PHACTR1: variants seen among roughly 807,000 people sequenced by gnomAD.
PHACTR1 encodes the protein phosphatase and actin regulator 1.
A neutral mutation model predicts 69.2 loss-of-function variants in PHACTR1; 16 were observed. That is an observed-to-expected ratio of 0.23 (90% CI 0.16 to 0.35). PHACTR1 has a LOEUF of 0.35. Ranked by LOEUF, PHACTR1 falls within the 10% of genes least tolerant of loss-of-function variation. PHACTR1 has a pLI of 1.00. For synonymous variants in PHACTR1, 312 were observed against 284.5 expected (o/e 1.10, Z -0.97); for missense variants, 510 against 734.7 (o/e 0.69, Z 3.54).
In PHACTR1 at chr6:13,053,845, G is replaced by A. The variant is rs367697616; in HGVS notation, c.415+316G>A. On this transcript the variant is annotated intron_variant, in intron 5 of 14. Transcript: ENST00000332995. ...GCTTTCATTCTGGCGTTGATGATGCGTTTATTATATTCATTGTTATTTTCA... is the reference window on the plus strand; with the variant it reads ...GCTTTCATTCTGGCGTTGATGATGCATTTATTATATTCATTGTTATTTTCA... Among the ~76,000 whole-genome samples, 9 of 152,290 alleles carry A rather than the reference G, an allele frequency of 5.9e-5. No individual in the cohort carries two copies. The East Asian group carries it at 1.3e-3, about 23-fold the overall frequency.
intron 4 of PHACTR1, among the ~76,000 whole-genome samples, chr6:12,928,776 G>A (rs9296525): frequency 0.16 from 25,071 of 152,084 alleles, 4,693 homozygotes; most frequent in African/African-American, 0.46. Context: ...TAGGTGGACA[G>A]GAAAATTCAA....
chr6:12,823,073 G>A (rs1207502483), intron 4 of PHACTR1, among the ~76,000 whole-genome samples: 1 of 152,032 alleles, frequency 6.6e-6, no homozygotes, highest in African/African-American at 2.4e-5. Context: ...ATTATATATC[G>A]AGGCAAAATT....
intron 6 of PHACTR1, among the ~76,000 whole-genome samples, chr6:13,178,043 A>G (rs1434923538): frequency 6.6e-6 from 1 of 152,214 alleles, no homozygotes; most frequent in Non-Finnish European, 1.5e-5. Context: ...TAAGGCTGGC[A>G]CAATCTTGGT....
At chr6:12,830,040 A>T (rs1374851876) in intron 4 of PHACTR1, among the ~76,000 whole-genome samples, 2 of 143,662 alleles carry the variant, frequency 1.4e-5, no homozygotes, top group Non-Finnish European at 3.1e-5. Flanking sequence ...GAAAGGAAAG[A>T]AAAGAAAGAA....
chr6:12,784,312 C>T (rs1041843020), intron 4 of PHACTR1, among the ~76,000 whole-genome samples: 3 of 149,930 alleles, frequency 2.0e-5, no homozygotes, highest in Non-Finnish European at 4.5e-5. Context: ...ACATATATAT[C>T]TATACACACA....
intron 4 of PHACTR1, among the ~76,000 whole-genome samples, chr6:13,035,427 A>AT (rs11382978): frequency 0.72 from 108,598 of 151,046 alleles, 39,968 homozygotes; most frequent in East Asian, 0.88. Context: ...GTTCTATATG[A>AT]TTTTTTTTTA....
At chr6:13,169,516 A>G (rs1440560997) in intron 6 of PHACTR1, among the ~76,000 whole-genome samples, 1 of 151,912 alleles carries the variant, frequency 6.6e-6, no homozygotes, top group Non-Finnish European at 1.5e-5. Flanking sequence ...TTTGGGGAGT[A>G]AAAAAATGAC....
chr6:13,110,759 G>GT (rs1816909342), intron 5 of PHACTR1, among the ~76,000 whole-genome samples: 2 of 152,146 alleles, frequency 1.3e-5, no homozygotes, highest in Non-Finnish European at 2.9e-5. Flanking sequence ...TCACAGAACT[G>GT]CTCTGCGTGT....
intron 4 of PHACTR1, among the ~76,000 whole-genome samples, chr6:12,928,304 C>T (rs1052037591): frequency 6.6e-6 from 1 of 152,120 alleles, no homozygotes; most frequent in African/African-American, 2.4e-5. Context: ...TTAGAAGCCA[C>T]GGTTGGTCCT....
intron 4 of PHACTR1, among the ~76,000 whole-genome samples, chr6:12,814,424 A>T (rs1046409550): frequency 1.3e-5 from 2 of 152,186 alleles, no homozygotes; most frequent in Non-Finnish European, 2.9e-5. Context: ...ACGCTCCAAA[A>T]ATGTCTCTTT....
chr6:12,957,214 A>C (rs2127560678), intron 4 of PHACTR1: 1 of 310,256 alleles, frequency 3.2e-6, no homozygotes, highest in East Asian at 1.7e-4. Context: ...AATTCCCTGC[A>C]GAAGGAGACA....
At chr6:13,018,179 T>C (rs572537001) in intron 4 of PHACTR1, among the ~76,000 whole-genome samples, 2 of 152,328 alleles carry the variant, frequency 1.3e-5, no homozygotes, top group South Asian at 4.1e-4. Context: ...GAGAATGCCC[T>C]GTGAGTTCCT....
chr6:13,150,139 G>A (rs1824080761), intron 5 of PHACTR1, among the ~76,000 whole-genome samples: 2 of 152,116 alleles, frequency 1.3e-5, no homozygotes, highest in African/African-American at 4.8e-5. Context: ...TTGAGCCCAG[G>A]AGTTCGAGAC....
intron 4 of PHACTR1, among the ~76,000 whole-genome samples, chr6:12,937,954 G>T (rs1286963482): frequency 6.6e-6 from 1 of 152,136 alleles, no homozygotes; most frequent in Non-Finnish European, 1.5e-5. Flanking sequence ...ACAAAAAGTA[G>T]CCAGGCATGG....
chr6:12,756,570 A>G, intron 4 of PHACTR1, among the ~76,000 whole-genome samples: 1 of 152,226 alleles, frequency 6.6e-6, no homozygotes, highest in South Asian at 2.1e-4. Context: ...ATAATATCAC[A>G]CTAGTAGTTG....
chr6:13,205,937 G>T lies in PHACTR1; in HGVS notation c.787G>T (p.Ala263Ser). Residue 263 changes from alanine to serine, a missense_variant, in exon 8 of 15, where the codon GCC (alanine) becomes TCC (serine). This residue lies in a region of PHACTR1 where 419 missense variants were observed against 530.9 expected (regional missense o/e 0.79). Transcript: ENST00000332995. ...GPDLSLVSYTAQKSGQQGVAQ... is the reference protein window; with the variant it reads ...GPDLSLVSYTSQKSGQQGVAQ... The stretch of plus-strand genomic sequence containing the variant: ...AGACCTCTCACTGGTGTCCTACACA[G>T]CCCAGAAGAGTGGCCAGCAGGGTGT... The T allele has an allele frequency of 6.2e-7, 1 of 1,614,024 alleles. No homozygotes were observed. Among genetic ancestry groups the T allele is most frequent in the Non-Finnish European group, 8.5e-7 (1 of 1,179,898 alleles).
chr6:12,957,750 C>G, intron 4 of PHACTR1: 3 of 985,522 alleles, frequency 3.0e-6, no homozygotes, highest in Non-Finnish European at 3.6e-6. Flanking sequence ...ACCTAGTCCA[C>G]GGTGAGTTGA....
intron 4 of PHACTR1, among the ~76,000 whole-genome samples, chr6:12,812,169 C>T (rs1048889877): frequency 3.9e-5 from 6 of 152,076 alleles, no homozygotes; most frequent in African/African-American, 1.4e-4. Flanking sequence ...TGTCCCTCAC[C>T]CCAGTCCTAG....
At chr6:12,851,377 A>G (rs1487924262) in intron 4 of PHACTR1, among the ~76,000 whole-genome samples, 1 of 152,232 alleles carries the variant, frequency 6.6e-6, no homozygotes, top group Non-Finnish European at 1.5e-5. Context: ...TGAGAATAGC[A>G]GTGGGTTTTG....
Sources: allele counts gnomAD v4.1 joint callset (sites outside exome capture counted in the v4.1 genomes callset), GRCh38; gene constraint gnomAD v4.1.1; regional missense constraint gnomAD v4.1.1; transcripts MANE v1.5; gene names NCBI Gene and HGNC (gene_info 2026-07-23, HGNC 2026-07-21).